NEK11: variants seen among roughly 807,000 people sequenced by gnomAD.
The protein encoded by NEK11 is serine/threonine-protein kinase Nek11.
NEK11 carries 72 observed loss-of-function variants against 80.7 expected under a neutral mutation model. The ratio of observed to expected loss-of-function variants is 0.89; its 90% CI spans 0.74 to 1.08. The LOEUF is 1.08. Ranked by LOEUF, NEK11 falls within the 50% of genes least tolerant of loss-of-function variation. The pLI, the probability that NEK11 is intolerant of heterozygous loss-of-function variation, is 0.00. For synonymous variants in NEK11, 251 were observed against 260.7 expected (o/e 0.96, Z 0.36); for missense variants, 764 against 763.6 (o/e 1.00, Z -0.01).
chr3:131,223,846 A>C (rs531040680), intron 14 of NEK11, among the ~76,000 whole-genome samples: 1 of 152,252 alleles, frequency 6.6e-6, no homozygotes, highest in East Asian at 1.9e-4. Flanking sequence ...CAGAAAGGAA[A>C]CCACAGAGAG....
At chr3:131,210,622 G>T (rs2150513799) in intron 14 of NEK11, among the ~76,000 whole-genome samples, 1 of 152,216 alleles carries the variant, frequency 6.6e-6, no homozygotes, top group Admixed American at 6.5e-5. Context: ...CTCTTTGTAG[G>T]TCTCTAAGGA....
chr3:131,155,929 G>A (rs953726593), intron 10 of NEK11, among the ~76,000 whole-genome samples: 1 of 152,102 alleles, frequency 6.6e-6, no homozygotes, highest in Admixed American at 6.5e-5. Flanking sequence ...ACCACAGGGG[G>A]TAAATTTTTA....
At chr3:131,147,274 T>C (rs899473890) in intron 7 of NEK11, among the ~76,000 whole-genome samples, 2 of 152,072 alleles carry the variant, frequency 1.3e-5, no homozygotes, top group Non-Finnish European at 2.9e-5. Flanking sequence ...CAAGTACGTT[T>C]TTTTCTATAT....
chr3:131,041,506 CTG>C (rs139789153), intron 3 of NEK11, among the ~76,000 whole-genome samples: 2 of 151,270 alleles, frequency 1.3e-5, no homozygotes, highest in African/African-American at 2.4e-5. Context: ...CATAAAAACT[CTG>C]TGTGTGTGTG....
At chr3:131,346,653 G>A (rs562170146) in intron 17 of NEK11, among the ~76,000 whole-genome samples, 4 of 152,300 alleles carry the variant, frequency 2.6e-5, no homozygotes, top group Admixed American at 1.3e-4. Flanking sequence ...TTAACTGTGA[G>A]GAGGTAGGTG....
intron 17 of NEK11, among the ~76,000 whole-genome samples, chr3:131,276,388 T>C (rs2096291030): frequency 6.6e-6 from 1 of 152,086 alleles, no homozygotes; most frequent in Non-Finnish European, 1.5e-5. Flanking sequence ...GCCAACCCCA[T>C]TGGGAGTTCT....
chr3:131,209,312 C>G (rs538561646), intron 14 of NEK11, among the ~76,000 whole-genome samples: 6 of 152,292 alleles, frequency 3.9e-5, no homozygotes, highest in Middle Eastern at 3.4e-3. Flanking sequence ...AGCCTTGCAT[C>G]CCAGGGATGA....
At chr3:131,218,270 G>A (rs2094907881) in intron 14 of NEK11, among the ~76,000 whole-genome samples, 1 of 152,156 alleles carries the variant, frequency 6.6e-6, no homozygotes, top group Admixed American at 6.5e-5. Flanking sequence ...ATGTGGGTGT[G>A]TGTATATAGA....
chr3:131,224,262 C>G (rs1326660708), intron 14 of NEK11, among the ~76,000 whole-genome samples: 2 of 151,934 alleles, frequency 1.3e-5, no homozygotes, highest in Admixed American at 6.6e-5. Context: ...TGGTCTCACT[C>G]TGTTACCCAG....
intron 12 of NEK11, among the ~76,000 whole-genome samples, chr3:131,166,727 T>C (rs1184472215): frequency 6.6e-6 from 1 of 152,136 alleles, no homozygotes; most frequent in African/African-American, 2.4e-5. Context: ...TCTTTCCTGC[T>C]CAGGGAACTT....
intron 14 of NEK11, among the ~76,000 whole-genome samples, chr3:131,218,725 C>T (rs889829074): frequency 3.9e-5 from 6 of 152,158 alleles, no homozygotes; most frequent in Non-Finnish European, 8.8e-5. Context: ...GGAGATTAGG[C>T]TTTTCAATGA....
At chr3:131,060,379 T>G (rs552980559) in intron 3 of NEK11, among the ~76,000 whole-genome samples, 1 of 152,346 alleles carries the variant, frequency 6.6e-6, no homozygotes, top group Admixed American at 6.5e-5. Context: ...GTTGCTTTTT[T>G]CATCGAGGCA....
intron 14 of NEK11, among the ~76,000 whole-genome samples, chr3:131,203,974 A>G (rs1323909545): frequency 6.6e-6 from 1 of 151,638 alleles, no homozygotes; most frequent in Non-Finnish European, 1.5e-5. Flanking sequence ...CCTTCATTCT[A>G]GAGAGGGTCC....
chr3:131,281,371 A>G (rs1404596574), intron 17 of NEK11, among the ~76,000 whole-genome samples: 2 of 152,220 alleles, frequency 1.3e-5, no homozygotes, highest in African/African-American at 4.8e-5. Context: ...GTAACATATT[A>G]TATACATTTT....
intron 17 of NEK11, among the ~76,000 whole-genome samples, chr3:131,319,734 T>C (rs985221360): frequency 6.6e-6 from 1 of 152,108 alleles, no homozygotes; most frequent in African/African-American, 2.4e-5. Flanking sequence ...ATGCAAAAAA[T>C]AAATCTCCTT....
intron 7 of NEK11, among the ~76,000 whole-genome samples, chr3:131,143,102 G>A (rs1244128028): frequency 2.6e-5 from 4 of 152,102 alleles, no homozygotes; most frequent in Non-Finnish European, 5.9e-5. Context: ...GTGCTCAAAA[G>A]CCAAATGTGG....
chr3:131,318,510 A>C (rs2096865975), intron 17 of NEK11, among the ~76,000 whole-genome samples: 1 of 152,118 alleles, frequency 6.6e-6, no homozygotes, highest in Non-Finnish European at 1.5e-5. Context: ...TTTTAATAAC[A>C]AAAAGCTATA....
Position 131,337,305 on chromosome 3 carries a change from G to T in NEK11, c.1719-12252G>T, listed in dbSNP as rs537192947. Among the ~76,000 whole-genome samples the T allele has an allele frequency of 2.9e-3, 448 of 152,228 alleles. 7 individuals are homozygous for T. The highest frequency in any genetic ancestry group is 0.017 in the Admixed American group (261 of 15,284). On this transcript the variant is annotated intron_variant, in intron 17 of 17. Coordinates refer to ENST00000383366, the MANE Select transcript of NEK11 (RefSeq NM_024800.5). ...CAGCCATAAAAAATGATGAGTTCAT[G>T]TCCTTTGTAGGGACATGGATGAAAT...
chr3:131,067,019 T>C (rs968373031), intron 3 of NEK11, among the ~76,000 whole-genome samples: 2 of 152,204 alleles, frequency 1.3e-5, no homozygotes, highest in African/African-American at 4.8e-5. Context: ...GCCAAATAAC[T>C]GTCTCATGTA....
Sources: gnomAD v4.1 joint callset for allele counts (sites outside exome capture counted in the v4.1 genomes callset) on GRCh38, gnomAD v4.1.1 for gene constraint, MANE v1.5 for transcripts, NCBI Gene and HGNC (gene_info 2026-07-23, HGNC 2026-07-21) for gene names.